The following GRB14 variants were observed in gnomAD, a reference collection of about 807,000 sequenced individuals.
GRB14 encodes growth factor receptor-bound protein 14.
In GRB14, 38 loss-of-function variants were observed where a neutral mutation model predicts 69.1. That is an observed-to-expected ratio of 0.55 (90% CI 0.42 to 0.72). The LOEUF is 0.72. Ranked by LOEUF, GRB14 falls within the 30% of genes least tolerant of loss-of-function variation. The probability of loss-of-function intolerance (pLI) is 0.00; values close to 1 mark genes in which losing one functional copy is unlikely to be tolerated. For missense variants in GRB14, 666 were observed against 666.1 expected, an observed-to-expected ratio of 1.00 and a Z score of 0.00; for synonymous variants, 247 against 241.3, an observed-to-expected ratio of 1.02 and a Z score of -0.22.
chr2:164,549,078 G>A (rs552257301), intron 2 of GRB14, among the ~76,000 whole-genome samples: 47 of 151,748 alleles, frequency 3.1e-4, no homozygotes, highest in African/African-American at 1.1e-3. Flanking sequence ...ACGGGCTTTC[G>A]CCACGTTAGT....
intron 2 of GRB14, among the ~76,000 whole-genome samples, chr2:164,576,674 A>T (rs1447785926): frequency 6.6e-6 from 1 of 151,848 alleles, no homozygotes; most frequent in African/African-American, 2.4e-5. Flanking sequence ...TGCTAAAACA[A>T]TTCTCAGACT....
At chr2:164,601,721 AT>A (rs943994117) in intron 2 of GRB14, among the ~76,000 whole-genome samples, 1 of 152,170 alleles carries the variant, frequency 6.6e-6, no homozygotes, top group Admixed American at 6.5e-5. Context: ...GTCATCATTA[AT>A]ATAAAGGTAC....
chr2:164,549,121 C>T (rs1688461023), intron 2 of GRB14, among the ~76,000 whole-genome samples: 1 of 152,140 alleles, frequency 6.6e-6, no homozygotes, highest in African/African-American at 2.4e-5. Context: ...CTCAGGTGAT[C>T]TGCCTTCCTC....
chr2:164,568,337 G>A (rs1193877032), intron 2 of GRB14: 13 of 1,288,626 alleles, frequency 1.0e-5, no homozygotes, highest in South Asian at 7.4e-5. Context: ...AATTATTGGC[G>A]TTATTGCAGG....
At chr2:164,548,326 G>A (rs1337560013) in intron 2 of GRB14, among the ~76,000 whole-genome samples, 1 of 152,164 alleles carries the variant, frequency 6.6e-6, no homozygotes, top group Non-Finnish European at 1.5e-5. Flanking sequence ...CATCCATGTT[G>A]TAGCAAATGG....
chr2:164,539,638 A>G (rs774738124), intron 3 of GRB14: 3 of 152,190 alleles, frequency 2.0e-5, no homozygotes, highest in Non-Finnish European at 2.9e-5. Flanking sequence ...AAGCAACGAT[A>G]GTAGCATATG....
rs1179520932 is a variant in GRB14, at chr2:164,592,246, C to T, written c.324+27441G>A. On this transcript the variant is annotated intron_variant, in intron 2 of 13. Coordinates refer to ENST00000263915, the MANE Select transcript of GRB14 (RefSeq NM_004490.3). Reference sequence around the variant, plus strand: ...GCCTCCCGGGTTCACGCCATTCTCCCGCCTCAGCCTTCCAAGTAGCTGGGA... The same window carrying T: ...GCCTCCCGGGTTCACGCCATTCTCCTGCCTCAGCCTTCCAAGTAGCTGGGA... Among the ~76,000 whole-genome samples the T allele has an allele frequency of 4.6e-5, 7 of 152,064 alleles. No homozygotes were observed. In the East Asian group the frequency reaches 1.2e-3, roughly 25 times the overall value.
chr2:164,584,139 G>A (rs1439712436), intron 2 of GRB14, among the ~76,000 whole-genome samples: 3 of 135,274 alleles, frequency 2.2e-5, no homozygotes, highest in Non-Finnish European at 3.1e-5. Context: ...TCCACCACCA[G>A]CCTGGCTATT....
intron 2 of GRB14, among the ~76,000 whole-genome samples, chr2:164,584,179 T>G (rs12988587): frequency 4.4e-4 from 49 of 112,192 alleles, no homozygotes; most frequent in Non-Finnish European, 4.2e-4. Flanking sequence ...TTTTTTTTTG[T>G]ATTTTAGTAG....
chr2:164,526,909 A>G (rs1687786943), intron 4 of GRB14, 105 bp downstream of exon 4: 2 of 655,100 alleles, frequency 3.1e-6, no homozygotes, highest in East Asian at 3.9e-5. Flanking sequence ...CTTCATCTAC[A>G]ATTTACCGAA....
At chr2:164,496,323 G>C (rs1406740703) in intron 12 of GRB14, among the ~76,000 whole-genome samples, 1 of 152,144 alleles carries the variant, frequency 6.6e-6, no homozygotes, top group African/African-American at 2.4e-5. Context: ...AATTCAGCCA[G>C]TATTATAGAA....
intron 2 of GRB14, among the ~76,000 whole-genome samples, chr2:164,574,613 G>A (rs1199999320): frequency 6.6e-6 from 1 of 152,024 alleles, no homozygotes. Flanking sequence ...CAGCAGAAAA[G>A]AATAAATAAA....
rs188664064 is a variant in GRB14, at chr2:164,525,643, T to C, written c.604-565A>G. ...CTCATTCCTGGAGTTTCTGATTCAG[T>C]AGATCCGGGCAAGTCCTGGATTCTA... On this transcript the variant is annotated intron_variant, in intron 4 of 13. Coordinates refer to ENST00000263915, the MANE Select transcript of GRB14 (RefSeq NM_004490.3). Among the ~76,000 whole-genome samples the C allele has an allele frequency of 6.6e-5, 10 of 152,186 alleles. No individual in the cohort carries two copies. In the East Asian group the frequency reaches 1.9e-3, roughly 29 times the overall value.
At chr2:164,580,615 A>G (rs573437873) in intron 2 of GRB14, among the ~76,000 whole-genome samples, 1 of 152,042 alleles carries the variant, frequency 6.6e-6, no homozygotes, top group South Asian at 2.1e-4. Context: ...GAGGCAGGAG[A>G]ATCGCTTGAA....
chr2:164,608,554 C>G (rs1388861350), intron 2 of GRB14, among the ~76,000 whole-genome samples: 1 of 150,016 alleles, frequency 6.7e-6, no homozygotes, highest in Non-Finnish European at 1.5e-5. Context: ...TCCCAGTAGC[C>G]AATGCCTCGT....
At chr2:164,517,649 C>T (rs528426141) in intron 6 of GRB14, among the ~76,000 whole-genome samples, 1 of 152,120 alleles carries the variant, frequency 6.6e-6, no homozygotes, top group East Asian at 1.9e-4. Context: ...CTCACATAAA[C>T]TTAAGGTAAA....
intron 2 of GRB14, among the ~76,000 whole-genome samples, chr2:164,552,241 C>A (rs1688558583): frequency 6.6e-6 from 1 of 152,186 alleles, no homozygotes; most frequent in South Asian, 2.1e-4. Context: ...AACTGTATCA[C>A]CCTCCTAGCA....
intron 2 of GRB14, among the ~76,000 whole-genome samples, chr2:164,550,422 T>C (rs1377947413): frequency 6.6e-6 from 1 of 152,214 alleles, no homozygotes. Context: ...GATTTATCTA[T>C]TACAGCAGCT....
intron 2 of GRB14, among the ~76,000 whole-genome samples, chr2:164,614,389 T>C (rs774535407): frequency 6.6e-6 from 1 of 152,244 alleles, no homozygotes; most frequent in Non-Finnish European, 1.5e-5. Context: ...AAGAGCTAAT[T>C]TTCAGACATT....
Sources: allele counts gnomAD v4.1 joint callset (sites outside exome capture counted in the v4.1 genomes callset), GRCh38; gene constraint gnomAD v4.1.1; transcripts MANE v1.5; gene names NCBI Gene and HGNC (gene_info 2026-07-23, HGNC 2026-07-21).